The following BMPR2 variants were observed in gnomAD, a reference collection of about 807,000 sequenced individuals.
The protein encoded by BMPR2 is bone morphogenetic protein receptor type 2, also known as bone morphogenetic protein receptor type-2.
In BMPR2, 29 loss-of-function variants were observed where a neutral mutation model predicts 100.8. The observed-to-expected ratio is 0.29, with a 90% confidence interval of 0.21 to 0.39. The LOEUF is 0.39. BMPR2 is among the 10% of genes least tolerant of loss of function. The probability of loss-of-function intolerance (pLI) is 1.00; values close to 1 mark genes in which losing one functional copy is unlikely to be tolerated. For missense variants in BMPR2, 1,011 were observed against 1,274.5 expected, an observed-to-expected ratio of 0.79 and a Z score of 3.15; for synonymous variants, 382 against 442.3, an observed-to-expected ratio of 0.86 and a Z score of 1.71.
intron 1 of BMPR2, among the ~76,000 whole-genome samples, chr2:202,409,415 G>GTA (rs1439961139): frequency 6.6e-6 from 1 of 151,902 alleles, no homozygotes; most frequent in Middle Eastern, 3.2e-3. Context: ...AACCCCACAG[G>GTA]TATATGATCT....
intron 3 of BMPR2, among the ~76,000 whole-genome samples, chr2:202,468,160 TATATTACTAA>T (rs1464956274): frequency 6.6e-6 from 1 of 151,932 alleles, no homozygotes; most frequent in Non-Finnish European, 1.5e-5. Flanking sequence ...AAGGCATCAA[TATATTACTAA>T]ATAACTTTGG....
rs757891434 is a variant in BMPR2, at chr2:202,542,266, A to C, written c.1277-45A>C. 1.0e-5 allele frequency: 16 copies of C among 1,606,042 alleles called. 1 individual carries two copies. The South Asian group carries it at 1.8e-4, about 18-fold the overall frequency. On this transcript the variant is annotated intron_variant, in intron 9 of 12. Transcript: ENST00000374580. ...TACCCCTGTTATTCTATCATTTATG[A>C]TAGTTAGAAATTTTATTCTGTCATT...
intron 3 of BMPR2, among the ~76,000 whole-genome samples, chr2:202,470,910 A>C (rs13009018): frequency 0.12 from 18,039 of 151,836 alleles, 1,181 homozygotes; most frequent in Admixed American, 0.14. Context: ...AAAAAATTAA[A>C]AAGTAGCCAG....
At chr2:202,514,115 CT>C (rs35473149) in intron 4 of BMPR2, among the ~76,000 whole-genome samples, 1 of 151,644 alleles carries the variant, frequency 6.6e-6, no homozygotes, top group Non-Finnish European at 1.5e-5. Context: ...AATACAAGAG[CT>C]TTTTTTAAAA....
chr2:202,473,862 G>A (rs1045103414), intron 3 of BMPR2, among the ~76,000 whole-genome samples: 5 of 151,816 alleles, frequency 3.3e-5, no homozygotes, highest in Admixed American at 6.6e-5. Flanking sequence ...ATCCCAGCAC[G>A]TTGGGAGGCC....
intron 1 of BMPR2, among the ~76,000 whole-genome samples, chr2:202,404,060 T>G (rs1046734379): frequency 6.6e-6 from 1 of 152,110 alleles, no homozygotes; most frequent in Non-Finnish European, 1.5e-5. Context: ...TATTTTATAT[T>G]TCTATGATAC....
chr2:202,551,360 CAA>C (rs1256597587), intron 10 of BMPR2, among the ~76,000 whole-genome samples: 3 of 95,362 alleles, frequency 3.1e-5, no homozygotes, highest in African/African-American at 4.0e-5. Context: ...ACTAAAGATA[CAA>C]AAAAAAAAAA....
chr2:202,417,601 C>A (rs1691161779), intron 1 of BMPR2, among the ~76,000 whole-genome samples: 2 of 152,110 alleles, frequency 1.3e-5, no homozygotes, highest in Admixed American at 1.3e-4. Flanking sequence ...CTGCGCCCAG[C>A]CTTCCATGAA....
intron 3 of BMPR2, among the ~76,000 whole-genome samples, chr2:202,480,473 T>A (rs1692637120): frequency 6.6e-6 from 1 of 152,134 alleles, no homozygotes; most frequent in South Asian, 2.1e-4. Context: ...TGCTGTTGTG[T>A]TTTTTTCTTG....
chr2:202,491,546 C>A (rs1186196628), intron 3 of BMPR2, among the ~76,000 whole-genome samples: 2 of 152,026 alleles, frequency 1.3e-5, no homozygotes, highest in Admixed American at 1.3e-4. Flanking sequence ...GTCTCAGCCT[C>A]CAGAGTAGCT....
chr2:202,407,510 C>G (rs190169179), intron 1 of BMPR2, among the ~76,000 whole-genome samples: 1 of 152,020 alleles, frequency 6.6e-6, no homozygotes, highest in African/African-American at 2.4e-5. Flanking sequence ...TGGTCGCTCA[C>G]GCCTGTAATC....
chr2:202,492,044 A>G (rs1692912403), intron 3 of BMPR2, among the ~76,000 whole-genome samples: 2 of 152,190 alleles, frequency 1.3e-5, no homozygotes, highest in Non-Finnish European at 2.9e-5. Context: ...ACTGAACTGA[A>G]GAAGCAAGGC....
At chr2:202,392,902 G>A (rs1465244050) in intron 1 of BMPR2, among the ~76,000 whole-genome samples, 1 of 150,094 alleles carries the variant, frequency 6.7e-6, no homozygotes, top group Non-Finnish European at 1.5e-5. Flanking sequence ...TGAGGCAGGA[G>A]AATTGCATGA....
rs1688669922 is a variant in BMPR2 at position 202,560,959 on chromosome 2, A to G, written c.*1013A>G. The G allele has an allele frequency of 6.6e-6, 1 of 152,180 alleles. No homozygotes were observed. The highest frequency in any genetic ancestry group is 2.4e-5 in the African/African-American group (1 of 41,444). The allele number at this position is 152,180 out of a possible 1,614,324, so 9.4% of individuals were successfully genotyped here. A position where few individuals can be genotyped will look rare whatever the true frequency, so the allele number is the denominator to read the frequency against. ...TTTTTAAGTAGGTAAATAAATGGTT[A>G]AGACAAAATAGTGTTATAGCCTTCA... On this transcript the variant is annotated 3_prime_UTR_variant, in exon 13 of 13. Transcript: ENST00000374580.
intron 3 of BMPR2, among the ~76,000 whole-genome samples, chr2:202,491,396 G>T (rs1304529793): frequency 6.6e-6 from 1 of 151,836 alleles, no homozygotes; most frequent in Non-Finnish European, 1.5e-5. Flanking sequence ...TGTCTATTCT[G>T]TTCCTTCCCT....
chr2:202,566,284 T>G lies in BMPR2; in HGVS notation c.*6338T>G, dbSNP rs1196311642. 1 of 152,640 alleles carries G rather than the reference T, an allele frequency of 6.6e-6. No homozygotes were observed. The highest frequency in any genetic ancestry group is 1.5e-5 in the Non-Finnish European group (1 of 68,004). 9.5% of individuals were successfully genotyped at this position (152,640 alleles called of 1,614,324 possible). ...TGTTACTTAAAAACTCAGGGCCCCTTTCATCCCTTTGTACACTGAAAAAGT... is the reference window on the plus strand; with the variant it reads ...TGTTACTTAAAAACTCAGGGCCCCTGTCATCCCTTTGTACACTGAAAAAGT... On this transcript the variant is annotated 3_prime_UTR_variant, in exon 13 of 13. Coordinates refer to ENST00000374580, the MANE Select transcript of BMPR2 (RefSeq NM_001204.7).
At chr2:202,541,438 A>T (rs753044825) in intron 9 of BMPR2, among the ~76,000 whole-genome samples, 60 of 152,188 alleles carry the variant, frequency 3.9e-4, no homozygotes, top group Non-Finnish European at 5.3e-4. Flanking sequence ...TTGAAAAAAA[A>T]TTTTTTTAAA....
chr2:202,404,616 G>A (rs1362762828), intron 1 of BMPR2, among the ~76,000 whole-genome samples: 6 of 152,130 alleles, frequency 3.9e-5, no homozygotes, highest in Admixed American at 2.0e-4. Flanking sequence ...AGCAATAAAC[G>A]AGATAAATAT....
intron 3 of BMPR2, among the ~76,000 whole-genome samples, chr2:202,496,919 C>T (rs929754377): frequency 8.5e-5 from 13 of 152,346 alleles, no homozygotes; most frequent in African/African-American, 2.6e-4. Context: ...GGGAGAGGCG[C>T]GAGCAGGAAC....
Sources: allele counts gnomAD v4.1 joint callset (sites outside exome capture counted in the v4.1 genomes callset), GRCh38; gene constraint gnomAD v4.1.1; transcripts MANE v1.5; gene names NCBI Gene and HGNC (gene_info 2026-07-23, HGNC 2026-07-21).